The following GATAD2A variants were observed in gnomAD, a reference collection of about 807,000 sequenced individuals.
GATAD2A encodes the protein transcriptional repressor p66-alpha.
In GATAD2A, 12 loss-of-function variants were observed where a neutral mutation model predicts 68.5. That is an observed-to-expected ratio of 0.18 (90% CI 0.11 to 0.28). GATAD2A has a LOEUF of 0.28. GATAD2A is among the 10% of genes least tolerant of loss of function. The pLI, the probability that GATAD2A is intolerant of heterozygous loss-of-function variation, is 1.00. For missense variants in GATAD2A, 755 were observed against 868.5 expected (o/e 0.87, Z 1.64); for synonymous variants, 410 against 375.3 (o/e 1.09, Z -1.07).
At chr19:19,413,709 C>T (rs560496111) in intron 1 of GATAD2A, among the ~76,000 whole-genome samples, 37 of 152,196 alleles carry the variant, frequency 2.4e-4, no homozygotes, top group African/African-American at 8.2e-4. Flanking sequence ...CTCAGCCTCC[C>T]GAGTAGTTAG....
In GATAD2A at chr19:19,505,484, G is replaced by C. The variant is rs1225236122; in HGVS notation, c.*10G>C. 1 of 1,569,600 alleles carries C rather than the reference G, an allele frequency of 6.4e-7. No individual in the cohort carries two copies. Among genetic ancestry groups the C allele is most frequent in the Non-Finnish European group, 8.6e-7 (1 of 1,157,348 alleles). Reference sequence around the variant, plus strand: ...AGCCACGTGGAAATAGTGCGAGCCAGGCCCCGTGGAAGACGGGCTCCCTCC... The same window carrying C: ...AGCCACGTGGAAATAGTGCGAGCCACGCCCCGTGGAAGACGGGCTCCCTCC... On this transcript the variant is annotated 3_prime_UTR_variant, in exon 12 of 12. Transcript: ENST00000683918.
upstream of GATAD2A, among the ~76,000 whole-genome samples, chr19:19,403,070 GC>G (rs2049913716): frequency 6.8e-6 from 1 of 147,560 alleles, no homozygotes; most frequent in Non-Finnish European, 1.5e-5. Context: ...ACTGTGCCCT[GC>G]CAGCACTAAG....
intron 1 of GATAD2A, among the ~76,000 whole-genome samples, chr19:19,426,089 C>T (rs2053059537): frequency 6.6e-6 from 1 of 152,134 alleles, no homozygotes; most frequent in Admixed American, 6.6e-5. Flanking sequence ...CACCTGGCCC[C>T]TGCAGACATA....
rs538919355 is a variant in GATAD2A at position 19,421,514 on chromosome 19, G to A, written c.-7+15495G>A. ...ACCCTGACCACACTGAGAGCAGCGC[G>A]CTTCTCTGGGTTGGATGGCTGGGTT... On this transcript the variant is annotated intron_variant, in intron 1 of 11. Coordinates refer to ENST00000683918, the MANE Select transcript of GATAD2A (RefSeq NM_001384528.1). Among the ~76,000 whole-genome samples the A allele has an allele frequency of 3.9e-5, 6 of 152,268 alleles. No individual in the cohort carries two copies. In the East Asian group the frequency reaches 7.7e-4, roughly 20 times the overall value.
chr19:19,408,083 TC>T (rs2050486642), intron 1 of GATAD2A, among the ~76,000 whole-genome samples: 1 of 152,212 alleles, frequency 6.6e-6, no homozygotes, highest in Non-Finnish European at 1.5e-5. Flanking sequence ...CACTGCAACT[TC>T]CGCCTCTCAG....
intron 1 of GATAD2A, among the ~76,000 whole-genome samples, chr19:19,442,765 C>CA (rs1050300886): frequency 2.8e-5 from 4 of 144,864 alleles, no homozygotes; most frequent in Non-Finnish European, 6.0e-5. Flanking sequence ...CAGGACCCCC[C>CA]AAGCTGAAAA....
chr19:19,413,002 T>G (rs948565269), intron 1 of GATAD2A, among the ~76,000 whole-genome samples: 2 of 152,204 alleles, frequency 1.3e-5, no homozygotes, highest in Admixed American at 6.5e-5. Context: ...CATGGTAAAG[T>G]TGAGAAATTT....
At chr19:19,493,270 A>G (rs2059924899) in intron 4 of GATAD2A, among the ~76,000 whole-genome samples, 1 of 152,242 alleles carries the variant, frequency 6.6e-6, no homozygotes, top group Admixed American at 6.5e-5. Context: ...GTGTCAAGGA[A>G]GTGGAGCACA....
At chr19:19,477,786 G>A (rs2058773253) in intron 2 of GATAD2A, among the ~76,000 whole-genome samples, 3 of 152,146 alleles carry the variant, frequency 2.0e-5, no homozygotes. Flanking sequence ...GCTGGAGAAG[G>A]AAGGAGATTC....
At chr19:19,419,153 A>C (rs955489904) in intron 1 of GATAD2A, among the ~76,000 whole-genome samples, 4 of 152,028 alleles carry the variant, frequency 2.6e-5, no homozygotes, top group African/African-American at 9.7e-5. Context: ...CGGTGGAAGG[A>C]GGAAGGGATG....
intron 2 of GATAD2A, among the ~76,000 whole-genome samples, chr19:19,476,839 GAAGAA>G (rs1481627056): frequency 5.3e-5 from 8 of 152,196 alleles, no homozygotes; most frequent in Non-Finnish European, 1.0e-4. Flanking sequence ...TATGCCCCTG[GAAGAA>G]AAGAAAAGCC....
At chr19:19,453,813 GC>G (rs2056643186) in intron 1 of GATAD2A, among the ~76,000 whole-genome samples, 1 of 151,472 alleles carries the variant, frequency 6.6e-6, no homozygotes, top group Non-Finnish European at 1.5e-5. Flanking sequence ...ACAGGTGCCC[GC>G]CACCACACCT....
chr19:19,431,633 G>C (rs1453362975), intron 1 of GATAD2A, among the ~76,000 whole-genome samples: 1 of 149,948 alleles, frequency 6.7e-6, no homozygotes, highest in Admixed American at 6.7e-5. Context: ...GGCAGAGGTT[G>C]CAGTGAGCCG....
At chr19:19,394,739 C>T (rs8111093) in intron 1 of GATAD2A, among the ~76,000 whole-genome samples, 23,961 of 152,186 alleles carry the variant, frequency 0.16, 1,999 homozygotes, top group Middle Eastern at 0.28. Flanking sequence ...CCACCACTCC[C>T]GGCCCAGGCT....
chr19:19,486,425 C>T (rs746083370), intron 2 of GATAD2A, among the ~76,000 whole-genome samples: 3 of 152,206 alleles, frequency 2.0e-5, no homozygotes, highest in Non-Finnish European at 4.4e-5. Flanking sequence ...GTCAGAGCAT[C>T]CATCTTGCCT....
intron 1 of GATAD2A, among the ~76,000 whole-genome samples, chr19:19,428,444 G>T (rs2053340847): frequency 1.3e-5 from 2 of 152,218 alleles, no homozygotes; most frequent in Non-Finnish European, 2.9e-5. Flanking sequence ...GCTGCCTGGT[G>T]CCAGGGCCTG....
intron 1 of GATAD2A, among the ~76,000 whole-genome samples, chr19:19,418,802 G>A (rs1033689676): frequency 6.6e-6 from 1 of 152,124 alleles, no homozygotes; most frequent in Non-Finnish European, 1.5e-5. Context: ...TGGGTGTCCC[G>A]CTGTGACACT....
intron 1 of GATAD2A, chr19:19,440,326 A>G: frequency 4.9e-6 from 1 of 203,182 alleles, no homozygotes; most frequent in Non-Finnish European, 9.6e-6. Flanking sequence ...GCTGGAGTGG[A>G]GTGGCGCGAT....
At chr19:19,430,680 A>G (rs1166975986) in intron 1 of GATAD2A, among the ~76,000 whole-genome samples, 1 of 152,208 alleles carries the variant, frequency 6.6e-6, no homozygotes, top group African/African-American at 2.4e-5. Flanking sequence ...CTTCCGGATC[A>G]GGTGCTGACA....
Sources: allele counts gnomAD v4.1 joint callset (sites outside exome capture counted in the v4.1 genomes callset), GRCh38; gene constraint gnomAD v4.1.1; transcripts MANE v1.5; gene names NCBI Gene and HGNC (gene_info 2026-07-23, HGNC 2026-07-21).